The following ZNF563 variants were observed in gnomAD, a reference collection of about 807,000 sequenced individuals.
ZNF563 encodes the protein zinc finger protein 563.
ZNF563 carries 39 observed loss-of-function variants against 48.5 expected under a neutral mutation model. The observed-to-expected ratio is 0.80, with a 90% CI of 0.62 to 1.05. The LOEUF is 1.05. Among genes scored for constraint, ZNF563 ranks in the 50% least tolerant of loss-of-function variants. The probability of loss-of-function intolerance (pLI) is 0.00; values close to 1 mark genes in which losing one functional copy is unlikely to be tolerated. For missense variants in ZNF563, 538 were observed against 597.0 expected (o/e 0.90, Z 1.03); for synonymous variants, 168 against 187.9 (o/e 0.89, Z 0.87).
rs1968490234 is a variant in ZNF563, at chr19:12,318,479, T to C, written c.*115A>G. ...AGATATTTCATGATTTTGAAAGGAATAAAAATTATGAAAGGCTTTCCCACA... is the reference window on the plus strand; with the variant it reads ...AGATATTTCATGATTTTGAAAGGAACAAAAATTATGAAAGGCTTTCCCACA... On this transcript the variant is annotated 3_prime_UTR_variant, in exon 4 of 4. Coordinates refer to ENST00000293725, the MANE Select transcript of ZNF563 (RefSeq NM_145276.3). The C allele has an allele frequency of 2.6e-6, 3 of 1,172,542 alleles. No homozygotes were observed. The highest frequency in any genetic ancestry group is 3.6e-6 in the Non-Finnish European group (3 of 839,652). The allele number at this position is 1,172,542 out of a possible 1,614,324, so 72.6% of individuals were successfully genotyped here. A position where few individuals can be genotyped will look rare whatever the true frequency, so the allele number is the denominator to read the frequency against.
rs1192336817 is a variant in ZNF563, at chr19:12,319,214, G to A, written c.811C>T (p.His271Tyr). Residue 271 changes from histidine (H) to tyrosine (Y), a missense_variant, in exon 4 of 4, where the codon CAT becomes TAT. Physicochemically the swap from His to Tyr is moderately conservative, Grantham distance 83. Transcript: ENST00000293725. ...TTCTCTCCAGTGTGAGTTCTTTCAT[G>A]TCTTATATAGGAACTGGAATCAGGC... ...ALPDSSSYIRHERTHTGEKPY... is the reference protein window; with the variant it reads ...ALPDSSSYIRYERTHTGEKPY... The A allele has an allele frequency of 1.2e-6, 2 of 1,614,136 alleles. No homozygotes were observed. Among genetic ancestry groups the A allele is most frequent in the Non-Finnish European group, 1.7e-6 (2 of 1,180,038 alleles).
chr19:12,342,633 G>A, the ZNF563 span, among the ~76,000 whole-genome samples: 1 of 151,532 alleles, frequency 6.6e-6, no homozygotes, highest in African/African-American at 2.4e-5. Flanking sequence ...AAATCAGCCA[G>A]ACATGCACAT....
chr19:12,337,859 G>A (rs769925899), upstream of ZNF563, among the ~76,000 whole-genome samples: 2 of 152,126 alleles, frequency 1.3e-5, no homozygotes, highest in African/African-American at 4.8e-5. Context: ...TGTTAACTCC[G>A]CCCTTTGAGA....
At chr19:12,330,849 T>G (rs1249188616) in intron 1 of ZNF563, among the ~76,000 whole-genome samples, 1 of 152,224 alleles carries the variant, frequency 6.6e-6, no homozygotes, top group East Asian at 1.9e-4. Context: ...AGAAAAAGTA[T>G]TTTAAGAGCC....
Position 12,324,646 on chromosome 19 carries a change from G to A in ZNF563, c.4-1935C>T, listed in dbSNP as rs193151598. ...GCAGGAGAATTGCTTGAACCCAGGA[G>A]GCAGAGGTTGCGGTGAGCCGAGATT... On this transcript the variant is annotated intron_variant, in intron 1 of 3. Transcript: ENST00000293725. Among the ~76,000 whole-genome samples the A allele has an allele frequency of 4.4e-3, 658 of 150,894 alleles. 2 individuals are homozygous for A. Among genetic ancestry groups the A allele is most frequent in the African/African-American group, 0.016 (641 of 41,006 alleles).
chr19:12,339,956 G>A, the ZNF563 span, among the ~76,000 whole-genome samples: 1 of 152,168 alleles, frequency 6.6e-6, no homozygotes, highest in Non-Finnish European at 1.5e-5. Context: ...ACATATAAAT[G>A]ATCCTTCATA....
At chr19:12,322,154 C>T (rs1968646204) in intron 2 of ZNF563, among the ~76,000 whole-genome samples, 1 of 152,086 alleles carries the variant, frequency 6.6e-6, no homozygotes, top group Non-Finnish European at 1.5e-5. Context: ...CTCCTGGGCT[C>T]AAGTGATTCT....
chr19:12,327,459 CAAA>C (rs35937081), intron 1 of ZNF563, among the ~76,000 whole-genome samples: 1 of 71,914 alleles, frequency 1.4e-5, no homozygotes. Context: ...CACTCCATCT[CAAA>C]AAAAAAAAAA....
intron 1 of ZNF563, among the ~76,000 whole-genome samples, chr19:12,324,720 G>GGAA (rs1269994153): frequency 1.4e-4 from 8 of 56,806 alleles, no homozygotes; most frequent in Admixed American, 2.1e-4. Context: ...TCCGTCTCAA[G>GGAA]AAAAAAAAAA....
Position 12,319,792 on chromosome 19 carries a change from C to T in ZNF563, c.233G>A (p.Ser78Asn). Residue 78 changes from serine (S) to asparagine (N), a missense_variant, in exon 4 of 4, where the codon AGT becomes AAT. By Grantham distance (46) the Ser-to-Asn change is conservative. Transcript: ENST00000293725. ...VERFSESKDS[S>N]QCGETFSLIR... Reference sequence around the variant, plus strand: ...GAGGCTAAATGTTTCTCCACACTGACTACTGTCTTTACTTTCACTGAATCT... The same window carrying T: ...GAGGCTAAATGTTTCTCCACACTGATTACTGTCTTTACTTTCACTGAATCT... The T allele has an allele frequency of 6.2e-7, 1 of 1,613,846 alleles. No homozygotes were observed. The highest frequency in any genetic ancestry group is 8.5e-7 in the Non-Finnish European group (1 of 1,179,796).
chr19:12,327,358 G>A (rs1037966171), intron 1 of ZNF563, among the ~76,000 whole-genome samples: 2 of 151,366 alleles, frequency 1.3e-5, no homozygotes, highest in African/African-American at 4.9e-5. Flanking sequence ...TACTCGGGAG[G>A]CTGAGGCAGG....
At chr19:12,328,792 A>G (rs969522421) in intron 1 of ZNF563, among the ~76,000 whole-genome samples, 4 of 151,394 alleles carry the variant, frequency 2.6e-5, no homozygotes, top group African/African-American at 9.7e-5. Flanking sequence ...TAAATAATAA[A>G]TAAATAAATA....
chr19:12,343,733 T>C, the ZNF563 span, among the ~76,000 whole-genome samples: 4 of 143,374 alleles, frequency 2.8e-5, no homozygotes, highest in African/African-American at 5.2e-5. Flanking sequence ...TTCTTTTTTT[T>C]TTTTTTTTTT....
chr19:12,330,671 C>A (rs911993801), intron 1 of ZNF563, among the ~76,000 whole-genome samples: 1 of 152,098 alleles, frequency 6.6e-6, no homozygotes, highest in Non-Finnish European at 1.5e-5. Flanking sequence ...CTACTTCAAC[C>A]CAAAGAACAG....
At chr19:12,337,180 C>T (rs1044829822), upstream of ZNF563, among the ~76,000 whole-genome samples, 1 of 151,994 alleles carries the variant, frequency 6.6e-6, no homozygotes, top group Non-Finnish European at 1.5e-5. Context: ...ATTAATGTCA[C>T]CCCTTACCAC....
upstream of ZNF563, among the ~76,000 whole-genome samples, chr19:12,334,294 G>GA (rs113119575): frequency 0.049 from 7,366 of 150,944 alleles, 594 homozygotes; most frequent in African/African-American, 0.17. Context: ...AATACAACAG[G>GA]AAAAAAAAAG....
chr19:12,319,925 T>G (rs539124744), intron 3 of ZNF563, 92 bp from the exon 4 acceptor site: 1 of 1,325,966 alleles, frequency 7.5e-7, no homozygotes, highest in East Asian at 2.4e-5. Flanking sequence ...ACTTTTTTTT[T>G]TTTTTCCCTG....
chr19:12,328,964 G>T (rs920532582), intron 1 of ZNF563, among the ~76,000 whole-genome samples: 2 of 152,036 alleles, frequency 1.3e-5, no homozygotes, highest in African/African-American at 4.8e-5. Context: ...TGATGAAAAA[G>T]GATATATTTT....
intron 1 of ZNF563, among the ~76,000 whole-genome samples, chr19:12,324,720 G>GAAAAA (rs61639995): frequency 1.8e-5 from 1 of 56,780 alleles, no homozygotes; most frequent in Admixed American, 2.1e-4. Flanking sequence ...TCCGTCTCAA[G>GAAAAA]AAAAAAAAAA....
Sources: allele counts gnomAD v4.1 joint callset (sites outside exome capture counted in the v4.1 genomes callset), GRCh38; gene constraint gnomAD v4.1.1; transcripts MANE v1.5; gene names NCBI Gene and HGNC (gene_info 2026-07-23, HGNC 2026-07-21).